Variants in EXOC6B observed in about 807,000 individuals in gnomAD.
The protein encoded by EXOC6B is exocyst complex component 6B.
A neutral mutation model predicts 113.5 loss-of-function variants in EXOC6B; 54 were observed. The observed-to-expected ratio is 0.48, with a 90% CI of 0.38 to 0.60. The LOEUF (loss-of-function observed/expected upper bound fraction) is 0.60. EXOC6B is among the 20% of genes least tolerant of loss of function. The pLI is 0.00. For synonymous variants in EXOC6B, 357 were observed against 339.0 expected (o/e 1.05, Z -0.58); for missense variants, 797 against 977.5 (o/e 0.82, Z 2.46).
intron 20 of EXOC6B, among the ~76,000 whole-genome samples, chr2:72,240,234 T>A (rs2104503405): frequency 6.6e-6 from 1 of 152,340 alleles, no homozygotes; most frequent in East Asian, 1.9e-4. Flanking sequence ...ATGGTAAAAG[T>A]AGATATCCCT....
chr2:72,633,345 C>T (rs1024792561), intron 6 of EXOC6B, among the ~76,000 whole-genome samples: 3 of 152,114 alleles, frequency 2.0e-5, no homozygotes, highest in African/African-American at 7.2e-5. Context: ...CAGGATCACA[C>T]AATGTATGTT....
At chr2:72,795,571 G>A (rs1684897957) in intron 1 of EXOC6B, among the ~76,000 whole-genome samples, 1 of 152,016 alleles carries the variant, frequency 6.6e-6, no homozygotes, top group South Asian at 2.1e-4. Context: ...GCAAGACTCC[G>A]TCTCAAAAAA....
chr2:72,607,355 GC>G (rs1200111873), intron 6 of EXOC6B, among the ~76,000 whole-genome samples: 1 of 152,060 alleles, frequency 6.6e-6, no homozygotes, highest in Admixed American at 6.6e-5. Flanking sequence ...TGACCCAGAT[GC>G]CAGCGCCATG....
intron 18 of EXOC6B, among the ~76,000 whole-genome samples, chr2:72,392,628 C>T (rs1692463945): frequency 1.3e-5 from 2 of 152,144 alleles, no homozygotes; most frequent in South Asian, 4.1e-4. Context: ...TTACTAGCAC[C>T]TTAGAAAATT....
chr2:72,465,426 A>G (rs1697985577), intron 17 of EXOC6B, 87 bp from the exon 18 acceptor site: 2 of 958,780 alleles, frequency 2.1e-6, no homozygotes, highest in East Asian at 5.3e-5. Flanking sequence ...TGACATATCC[A>G]TTAAGTAACT....
At chr2:72,515,497 A>G in intron 8 of EXOC6B, 1 of 1,037,164 alleles carries the variant, frequency 9.6e-7, no homozygotes, top group Non-Finnish European at 1.2e-6. Flanking sequence ...AGAACATTCC[A>G]GAAGAAAAAC....
chr2:72,203,733 T>C (rs194235), intron 20 of EXOC6B, among the ~76,000 whole-genome samples: 62,970 of 152,018 alleles, frequency 0.41, 16,365 homozygotes, highest in African/African-American at 0.74. Context: ...TCCCACATTC[T>C]CAAGAGGGCT....
At chr2:72,705,170 C>G (rs1156419952) in intron 6 of EXOC6B, among the ~76,000 whole-genome samples, 8 of 151,860 alleles carry the variant, frequency 5.3e-5, no homozygotes, top group Non-Finnish European at 1.2e-4. Flanking sequence ...AAGGCTGGTT[C>G]AATATACGCA....
rs374663275 is a variant in EXOC6B, at chr2:72,412,666, T to C, written c.1981-32796A>G. 2.2e-4 allele frequency among the ~76,000 whole-genome samples: 33 copies of C among 152,356 alleles called. No individual in the cohort carries two copies. In the South Asian group the frequency reaches 3.3e-3, roughly 15 times the overall value. ...ACTTTAGCTACTGAGGCAACAATTA[T>C]ATATCTTAACCCTTTAAGTTATCTC... On this transcript the variant is annotated intron_variant, in intron 18 of 21. Transcript: ENST00000272427.
At chr2:72,446,842 G>A (rs916881754) in intron 18 of EXOC6B, among the ~76,000 whole-genome samples, 7 of 152,300 alleles carry the variant, frequency 4.6e-5, no homozygotes, top group African/African-American at 1.7e-4. Flanking sequence ...TGGGCACAGT[G>A]GCTCACGCCA....
intron 6 of EXOC6B, among the ~76,000 whole-genome samples, chr2:72,631,723 C>T (rs1050535580): frequency 2.0e-5 from 3 of 151,780 alleles, no homozygotes; most frequent in East Asian, 3.9e-4. Flanking sequence ...CAGGCTTTCT[C>T]GAACTCCTAA....
chr2:72,289,218 G>A (rs1685634249), intron 20 of EXOC6B: 1 of 159,602 alleles, frequency 6.3e-6, no homozygotes, highest in Non-Finnish European at 1.4e-5. Flanking sequence ...ACTGGAAGCA[G>A]GAACAAGGGG....
chr2:72,611,700 C>CATAA (rs201885005), intron 6 of EXOC6B, among the ~76,000 whole-genome samples: 1,586 of 151,792 alleles, frequency 0.01, 25 homozygotes, highest in African/African-American at 0.032. Flanking sequence ...ATCATAGTTG[C>CATAA]ATAAATAAAT....
At chr2:72,360,299 G>C (rs1173931942) in intron 19 of EXOC6B, among the ~76,000 whole-genome samples, 2 of 151,998 alleles carry the variant, frequency 1.3e-5, no homozygotes, top group African/African-American at 4.8e-5. Flanking sequence ...TGTTGGCCCA[G>C]CTGGTCTTAA....
intron 20 of EXOC6B, among the ~76,000 whole-genome samples, chr2:72,283,450 C>T (rs747319672): frequency 2.6e-5 from 4 of 152,106 alleles, no homozygotes; most frequent in Admixed American, 6.6e-5. Context: ...AAGCAGAAAC[C>T]TCTATGGGAA....
intron 7 of EXOC6B, among the ~76,000 whole-genome samples, chr2:72,568,362 C>T (rs1222928984): frequency 6.6e-6 from 1 of 151,982 alleles, no homozygotes; most frequent in Non-Finnish European, 1.5e-5. Flanking sequence ...TATTAAGTGG[C>T]AGTGTCACCA....
chr2:72,590,760 G>A (rs1283937496), intron 6 of EXOC6B, among the ~76,000 whole-genome samples: 1 of 151,998 alleles, frequency 6.6e-6, no homozygotes, highest in Admixed American at 6.6e-5. Context: ...ATTACAGGGA[G>A]ATAGATCATA....
At chr2:72,461,525 A>G (rs886897844) in intron 18 of EXOC6B, 1 of 151,972 alleles carries the variant, frequency 6.6e-6, no homozygotes, top group Non-Finnish European at 1.5e-5. Context: ...ATAAATTTAC[A>G]TTAATTTAAT....
At chr2:72,187,568 C>T (rs893040774) in intron 20 of EXOC6B, among the ~76,000 whole-genome samples, 20 of 152,144 alleles carry the variant, frequency 1.3e-4, no homozygotes, top group African/African-American at 4.1e-4. Context: ...TTGCTCCTCT[C>T]TGCAGGCAGG....
Sources: allele counts gnomAD v4.1 joint callset (sites outside exome capture counted in the v4.1 genomes callset), GRCh38; gene constraint gnomAD v4.1.1; transcripts MANE v1.5; gene names NCBI Gene and HGNC (gene_info 2026-07-23, HGNC 2026-07-21).